Variants in STK3 observed in about 807,000 individuals in gnomAD.
The protein encoded by STK3 is serine/threonine kinase 3.
A neutral mutation model predicts 58.0 loss-of-function variants in STK3; 41 were observed. That is an observed-to-expected ratio of 0.71 (90% CI 0.55 to 0.92). The LOEUF is 0.92. STK3 is among the 40% of genes least tolerant of loss of function. The pLI, the probability that STK3 is intolerant of heterozygous loss-of-function variation, is 0.00. For synonymous variants in STK3, 170 were observed against 191.0 expected (o/e 0.89, Z 0.91); for missense variants, 479 against 602.7 (o/e 0.79, Z 2.15).
chr8:98,697,650 C>T (rs1825102265), intron 6 of STK3, among the ~76,000 whole-genome samples: 1 of 152,140 alleles, frequency 6.6e-6, no homozygotes, highest in African/African-American at 2.4e-5. Flanking sequence ...TGTTCAGTTT[C>T]CATGTAGTTG....
chr8:98,416,347 A>T (rs1818113323), intron 3 of STK3, among the ~76,000 whole-genome samples: 2 of 148,432 alleles, frequency 1.3e-5, no homozygotes, highest in African/African-American at 4.9e-5. Flanking sequence ...CTCAAAAATA[A>T]TCTTGTGTTT....
chr8:98,463,818 C>T (rs1042151998), intron 10 of STK3, among the ~76,000 whole-genome samples: 1 of 152,018 alleles, frequency 6.6e-6, no homozygotes, highest in Non-Finnish European at 1.5e-5. Context: ...ATAGCAGAAA[C>T]GGGAATATGA....
chr8:98,432,748 T>C (rs1198436954), intron 3 of STK3: 4 of 167,102 alleles, frequency 2.4e-5, no homozygotes, highest in African/African-American at 9.6e-5. Context: ...CATGACTTCT[T>C]ACAGAGCTGT....
At chr8:98,732,937 T>C (rs543375105) in intron 4 of STK3, among the ~76,000 whole-genome samples, 1 of 152,284 alleles carries the variant, frequency 6.6e-6, no homozygotes, top group East Asian at 1.9e-4. Flanking sequence ...GATCCTAACA[T>C]AGAGCCATCA....
rs569648055 is a variant in STK3, at chr8:98,707,195, T to G, written c.468A>C (p.Thr156=). 27 of 1,611,416 alleles carry G rather than the reference T, an allele frequency of 1.7e-5. No homozygotes were observed. Among genetic ancestry groups the G allele is most frequent in the Non-Finnish European group, 2.3e-5 (27 of 1,179,400 alleles). The change falls in exon 5 of 11, where the codon ACA becomes ACC. Residue 156 remains threonine (T), a synonymous_variant. Transcript: ENST00000419617. ...DIKAGNILLN[T]EGHAKLADFG... ...AATCTGCCAATTTTGCATGTCCTTC[T>G]GTATTGAGGAGAATATTTCCAGCTT...
At chr8:98,871,507 CTT>C (rs1837379615) in intron 3 of STK3, among the ~76,000 whole-genome samples, 1 of 152,166 alleles carries the variant, frequency 6.6e-6, no homozygotes, top group South Asian at 2.1e-4. Context: ...TTTGTGTCCT[CTT>C]TTATTTCATT....
chr8:98,566,122 T>C (rs1812461423), intron 8 of STK3, among the ~76,000 whole-genome samples: 1 of 152,306 alleles, frequency 6.6e-6, no homozygotes, highest in Admixed American at 6.5e-5. Flanking sequence ...AGACAAGCTT[T>C]TTCTATAATA....
At chr8:98,392,045 CCTGT>C (rs1312647466), upstream of STK3, among the ~76,000 whole-genome samples, 1 of 152,164 alleles carries the variant, frequency 6.6e-6, no homozygotes, top group Non-Finnish European at 1.5e-5. Context: ...CATCTCCATA[CCTGT>C]CTATCTCTCC....
chr8:98,358,250 G>A, the STK3 span, among the ~76,000 whole-genome samples: 15 of 152,202 alleles, frequency 9.9e-5, no homozygotes, highest in African/African-American at 3.4e-4. Context: ...TTGGGGCCAA[G>A]GTGCAGCAGA....
chr8:98,463,225 A>T (rs1820148260), intron 10 of STK3, among the ~76,000 whole-genome samples: 1 of 152,216 alleles, frequency 6.6e-6, no homozygotes, highest in Non-Finnish European at 1.5e-5. Context: ...CTACTTTTTA[A>T]TATGAGTCAA....
At chr8:98,488,136 T>C (rs1822417398) in intron 10 of STK3, among the ~76,000 whole-genome samples, 1 of 152,210 alleles carries the variant, frequency 6.6e-6, no homozygotes, top group Admixed American at 6.5e-5. Flanking sequence ...CTGGCATAAC[T>C]AGTCTGTGAG....
intron 6 of STK3, among the ~76,000 whole-genome samples, 154 bp downstream of exon 6, chr8:98,706,313 G>C (rs1210558597): frequency 2.6e-5 from 4 of 152,130 alleles, no homozygotes; most frequent in Non-Finnish European, 4.4e-5. Context: ...AGGAAGAGAA[G>C]TTAACAGTTA....
intron 4 of STK3, among the ~76,000 whole-genome samples, chr8:98,714,656 T>C (rs1826843897): frequency 6.6e-6 from 1 of 152,114 alleles, no homozygotes; most frequent in African/African-American, 2.4e-5. Context: ...TGCAAGAACA[T>C]TCCATGCTCA....
intron 3 of STK3, among the ~76,000 whole-genome samples, chr8:98,848,036 T>TA (rs1423382447): frequency 2.0e-5 from 3 of 152,226 alleles, no homozygotes; most frequent in East Asian, 1.9e-4. Flanking sequence ...CCTTCTTGTT[T>TA]AAAAAAACAG....
chr8:98,387,069 CTG>C (rs34704145), intron 1 of STK3, among the ~76,000 whole-genome samples: 4,898 of 152,196 alleles, frequency 0.032, 352 homozygotes, highest in East Asian at 0.16. Context: ...ACAAGCCTAA[CTG>C]TGTATCAATT....
chr8:98,910,199 T>C (rs1171960205), intron 1 of STK3, among the ~76,000 whole-genome samples: 2 of 152,248 alleles, frequency 1.3e-5, no homozygotes, highest in African/African-American at 4.8e-5. Flanking sequence ...AATTTGTCTT[T>C]TTTATTGAGT....
chr8:98,507,046 T>C (rs1296626634), intron 10 of STK3, among the ~76,000 whole-genome samples: 1 of 152,206 alleles, frequency 6.6e-6, no homozygotes, highest in Non-Finnish European at 1.5e-5. Flanking sequence ...CTTCTCTACA[T>C]ATACTCATTT....
chr8:98,429,821 G>A (rs552900838), intron 3 of STK3: 10 of 179,638 alleles, frequency 5.6e-5, no homozygotes, highest in African/African-American at 9.6e-5. Flanking sequence ...CCCACAAGTC[G>A]TCCAGTAGAA....
intron 4 of STK3, among the ~76,000 whole-genome samples, chr8:98,716,406 C>A (rs1827018367): frequency 6.6e-6 from 1 of 151,688 alleles, no homozygotes; most frequent in Admixed American, 6.6e-5. Context: ...AAAAAAAATT[C>A]TATTTACAAT....
Sources: gnomAD v4.1 joint callset for allele counts (sites outside exome capture counted in the v4.1 genomes callset) on GRCh38, gnomAD v4.1.1 for gene constraint, MANE v1.5 for transcripts, NCBI Gene and HGNC (gene_info 2026-07-23, HGNC 2026-07-21) for gene names.